PCDHGA1: variants seen among roughly 807,000 people sequenced by gnomAD.
PCDHGA1 encodes the protein protocadherin gamma-A1.
A neutral mutation model predicts 58.0 loss-of-function variants in PCDHGA1; 32 were observed. The observed-to-expected ratio is 0.55, with a 90% CI of 0.42 to 0.74. The LOEUF (loss-of-function observed/expected upper bound fraction) is 0.74. Among genes scored for constraint, PCDHGA1 ranks in the 30% least tolerant of loss-of-function variants. PCDHGA1 has a pLI of 0.00. For synonymous variants in PCDHGA1, 498 were observed against 501.1 expected (o/e 0.99, Z 0.08); for missense variants, 1,205 against 1,182.3 (o/e 1.02, Z -0.28).
At chr5:141,417,743 A>T in intron 1 of PCDHGA1, 2 of 1,419,054 alleles carry the variant, frequency 1.4e-6, no homozygotes, top group Non-Finnish European at 1.9e-6. Flanking sequence ...AGCACACCAG[A>T]TTGCCAGCTC....
chr5:141,497,031 A>G (rs898409925), intron 2 of PCDHGA1, among the ~76,000 whole-genome samples: 14 of 152,184 alleles, frequency 9.2e-5, no homozygotes, highest in African/African-American at 3.4e-4. Context: ...TCGATTAAAA[A>G]TACAAAAATT....
At chr5:141,461,607 A>C (rs74634930) in intron 1 of PCDHGA1, among the ~76,000 whole-genome samples, 8,353 of 152,212 alleles carry the variant, frequency 0.055, 473 homozygotes, top group African/African-American at 0.15. Flanking sequence ...AATTTAGTTC[A>C]AAGTATTTTC....
intron 1 of PCDHGA1, among the ~76,000 whole-genome samples, chr5:141,482,458 C>G (rs986628162): frequency 1.4e-5 from 2 of 147,624 alleles, no homozygotes; most frequent in African/African-American, 2.6e-5. Flanking sequence ...ATTAGCATCC[C>G]TATGTGCCAG....
rs70988800 is a variant in PCDHGA1 at position 141,379,889 on chromosome 5, C to CTTTTTTTTTTTTTT, written c.2421+46801_2421+46814dup. ...CTTATTTTATGGTCTGTGAAAGCCT[C>CTTTTTTTTTTTTTT]TTTTTTTTTTTTTTTTTTTTTTTTT... On this transcript the variant is annotated intron_variant, in intron 1 of 3. Coordinates refer to ENST00000517417, the MANE Select transcript of PCDHGA1 (RefSeq NM_018912.3). Among the ~76,000 whole-genome samples, 79 of 50,828 alleles carry CTTTTTTTTTTTTTT rather than the reference C, an allele frequency of 1.6e-3. 14 individuals carry two copies. The highest frequency in any genetic ancestry group is 2.7e-3 in the African/African-American group (40 of 15,084). 33.3% of individuals were successfully genotyped at this position (50,828 alleles called of 152,430 possible).
Position 141,431,721 on chromosome 5 carries a change from C to T in PCDHGA1, c.2422-63086C>T. The T allele has an allele frequency of 1.2e-6, 2 of 1,614,246 alleles. No homozygotes were observed. Among genetic ancestry groups the T allele is most frequent in the Non-Finnish European group, 1.7e-6 (2 of 1,180,044 alleles). On this transcript the variant is annotated intron_variant, in intron 1 of 3. Transcript: ENST00000517417. The surrounding 1 kb of genome is among the most constrained non-coding windows in gnomAD (Gnocchi z 4.8). ...GGATTCTACCAGATGGAAGTGCAAGCAATGGATAATGCAGGATATTCTGCG... is the reference window on the plus strand; with the variant it reads ...GGATTCTACCAGATGGAAGTGCAAGTAATGGATAATGCAGGATATTCTGCG...
chr5:141,359,322 A>G (rs1761174908), intron 1 of PCDHGA1, among the ~76,000 whole-genome samples: 1 of 152,154 alleles, frequency 6.6e-6, no homozygotes, highest in Non-Finnish European at 1.5e-5. Flanking sequence ...GGCATTAGGA[A>G]TATATTCCAG....
intron 2 of PCDHGA1, among the ~76,000 whole-genome samples, chr5:141,503,077 T>C (rs902429288): frequency 6.6e-6 from 1 of 151,810 alleles, no homozygotes; most frequent in African/African-American, 2.4e-5. Flanking sequence ...ATGGTCTCGA[T>C]CTCCTGACCT....
chr5:141,362,094 A>T, intron 1 of PCDHGA1: 4 of 1,613,384 alleles, frequency 2.5e-6, no homozygotes, highest in Non-Finnish European at 3.4e-6. Flanking sequence ...GACAGCCGCC[A>T]CTCTCCGCTA....
intron 1 of PCDHGA1, chr5:141,372,274 G>T (rs767978142): frequency 4.3e-6 from 7 of 1,612,960 alleles, no homozygotes; most frequent in Non-Finnish European, 3.4e-6. Context: ...GGTGAGGTGC[G>T]CACGGCGCGT....
chr5:141,388,812 G>A, intron 1 of PCDHGA1: 3 of 1,613,934 alleles, frequency 1.9e-6, no homozygotes, highest in Non-Finnish European at 2.5e-6. Context: ...TTTTGAAGAA[G>A]TCAAAGAATA....
At chr5:141,363,384 T>C (rs2149845337) in intron 1 of PCDHGA1, among the ~76,000 whole-genome samples, 1 of 152,366 alleles carries the variant, frequency 6.6e-6, no homozygotes, top group African/African-American at 2.4e-5. Flanking sequence ...TTTTTCTATT[T>C]CTGTTGTCAT....
At chr5:141,372,180 G>C in intron 1 of PCDHGA1, 1 of 1,613,652 alleles carries the variant, frequency 6.2e-7, no homozygotes, top group South Asian at 1.1e-5. Flanking sequence ...GGCGGTGGAC[G>C]CAGACTCGGG....
chr5:141,360,055 G>A, intron 1 of PCDHGA1: 1 of 1,446,612 alleles, frequency 6.9e-7, no homozygotes, highest in Non-Finnish European at 9.1e-7. Context: ...ACAAAAGCAG[G>A]AAAAGTGACC....
At chr5:141,377,447 A>AG (rs1773997095) in intron 1 of PCDHGA1, 1 of 152,082 alleles carries the variant, frequency 6.6e-6, no homozygotes, top group African/African-American at 2.4e-5. Context: ...AAGAAAAAAA[A>AG]GTAGCCAGAT....
chr5:141,408,398 C>A, intron 1 of PCDHGA1: 3 of 1,614,028 alleles, frequency 1.9e-6, no homozygotes, highest in Non-Finnish European at 2.5e-6. Context: ...GGCTCGCAAG[C>A]TGCGAGTGAG....
chr5:141,415,765 T>G (rs1386091482), intron 1 of PCDHGA1: 1 of 1,364,078 alleles, frequency 7.3e-7, no homozygotes, highest in South Asian at 1.7e-5. Flanking sequence ...TTTTTTTTTT[T>G]TTTTTTTACT....
intron 1 of PCDHGA1, chr5:141,383,945 T>G: frequency 6.2e-7 from 1 of 1,613,858 alleles, no homozygotes. Context: ...GAAGTGACTA[T>G]GACGTCTTTA....
rs1330659052 is a variant in PCDHGA1, at chr5:141,490,012, G to T, written c.2422-4795G>T. On this transcript the variant is annotated intron_variant, in intron 1 of 3. Transcript: ENST00000517417. The surrounding 1 kb of genome is among the most constrained non-coding windows in gnomAD (Gnocchi z 5.4). ...GGGAATCCCAGAGAATGCACCCATT[G>T]GTACTCTGCTGCTCCGCCTCAATGC... The T allele has an allele frequency of 1.2e-6, 2 of 1,614,232 alleles. No homozygotes were observed. Among genetic ancestry groups the T allele is most frequent in the East Asian group, 4.5e-5 (2 of 44,888 alleles).
intron 1 of PCDHGA1, among the ~76,000 whole-genome samples, chr5:141,484,322 T>C (rs2099594801): frequency 6.6e-6 from 1 of 152,214 alleles, no homozygotes; most frequent in Non-Finnish European, 1.5e-5. Flanking sequence ...TTCCATACTG[T>C]CCTTGAAATC....
Sources: gnomAD v4.1 joint callset for allele counts (sites outside exome capture counted in the v4.1 genomes callset) on GRCh38, gnomAD v4.1.1 for gene constraint, Gnocchi (gnomAD v3.1) non-coding constraint, MANE v1.5 for transcripts, NCBI Gene and HGNC (gene_info 2026-07-23, HGNC 2026-07-21) for gene names.